TNKS: variants seen among roughly 807,000 people sequenced by gnomAD.
The protein encoded by TNKS is tankyrase.
TNKS carries 72 observed loss-of-function variants against 135.8 expected under a neutral mutation model. The observed-to-expected ratio is 0.53, with a 90% confidence interval of 0.44 to 0.64. TNKS has a LOEUF of 0.64. TNKS is among the 30% of genes least tolerant of loss of function. The pLI, the probability that TNKS is intolerant of heterozygous loss-of-function variation, is 0.00. For synonymous variants in TNKS, 849 were observed against 649.3 expected, an observed-to-expected ratio of 1.31 and a Z score of -4.68; for missense variants, 1,769 against 1,674.0, an observed-to-expected ratio of 1.06 and a Z score of -0.99.
intron 1 of TNKS, among the ~76,000 whole-genome samples, chr8:9,569,112 A>G (rs1278988766): frequency 4.6e-5 from 7 of 152,244 alleles, no homozygotes; most frequent in Non-Finnish European, 8.8e-5. Context: ...GCTTATAGCA[A>G]TAGTTGCAAG....
chr8:9,562,039 A>G (rs967026691), intron 1 of TNKS, among the ~76,000 whole-genome samples: 8 of 151,724 alleles, frequency 5.3e-5, no homozygotes, highest in Admixed American at 6.6e-5. Flanking sequence ...CTGGTCACGA[A>G]CTCCTGACCT....
chr8:9,588,572 G>C (rs866496037), intron 2 of TNKS, among the ~76,000 whole-genome samples: 1 of 152,160 alleles, frequency 6.6e-6, no homozygotes, highest in Non-Finnish European at 1.5e-5. Context: ...TGCCGCGCCC[G>C]GCCCCAAATT....
At chr8:9,752,511 T>G in intron 19 of TNKS, 33 bp from the exon 20 acceptor site, 4 of 1,524,498 alleles carry the variant, frequency 2.6e-6, no homozygotes, top group Non-Finnish European at 3.6e-6. Flanking sequence ...TAGAGAATTC[T>G]TTCTGAGAAT....
chr8:9,651,087 G>A (rs1042559782), intron 3 of TNKS, among the ~76,000 whole-genome samples: 6 of 152,018 alleles, frequency 3.9e-5, no homozygotes, highest in East Asian at 1.9e-4. Flanking sequence ...TTTCTTCACC[G>A]TATGTTTTTG....
chr8:9,566,033 C>G (rs1025411229), intron 1 of TNKS, among the ~76,000 whole-genome samples: 2 of 151,924 alleles, frequency 1.3e-5, no homozygotes, highest in Non-Finnish European at 1.5e-5. Flanking sequence ...TTCTGATGCC[C>G]TCATTCTGAT....
At chr8:9,733,974 T>A (rs76574098) in intron 15 of TNKS, among the ~76,000 whole-genome samples, 1 of 152,166 alleles carries the variant, frequency 6.6e-6, no homozygotes, top group Non-Finnish European at 1.5e-5. Context: ...CTAACTATAA[T>A]TTATGCTCAC....
chr8:9,567,149 G>A (rs888731424), intron 1 of TNKS, among the ~76,000 whole-genome samples: 1 of 152,206 alleles, frequency 6.6e-6, no homozygotes, highest in African/African-American at 2.4e-5. Flanking sequence ...GGAAAGTACA[G>A]TAAAAAGTAG....
chr8:9,742,100 C>G (rs1235084138), intron 17 of TNKS, among the ~76,000 whole-genome samples: 5 of 152,136 alleles, frequency 3.3e-5, no homozygotes, highest in Non-Finnish European at 7.3e-5. Context: ...TTTGATCAAC[C>G]TGGTTCATCT....
At chr8:9,711,268 A>G (rs1033432652) in intron 11 of TNKS, among the ~76,000 whole-genome samples, 1 of 152,184 alleles carries the variant, frequency 6.6e-6, no homozygotes, top group African/African-American at 2.4e-5. Flanking sequence ...CACTCTCACT[A>G]GGTCCACGTG....
At chr8:9,690,756 C>T (rs538572967) in intron 5 of TNKS, among the ~76,000 whole-genome samples, 2 of 152,144 alleles carry the variant, frequency 1.3e-5, no homozygotes, top group South Asian at 4.1e-4. Flanking sequence ...ATTACAGAAA[C>T]CTTGTTTTAT....
intron 2 of TNKS, among the ~76,000 whole-genome samples, chr8:9,602,053 G>T (rs1585217432): frequency 6.6e-6 from 1 of 152,164 alleles, no homozygotes; most frequent in African/African-American, 2.4e-5. Flanking sequence ...GCTATATCTG[G>T]GGACATGTTT....
chr8:9,771,683 GAGA>G (rs1807881781), intron 26 of TNKS, among the ~76,000 whole-genome samples: 1 of 121,040 alleles, frequency 8.3e-6, no homozygotes, highest in African/African-American at 3.5e-5. Context: ...GGGAGGGAGA[GAGA>G]GAGAGAGAGA....
At chr8:9,583,868 A>G (rs745584549) in intron 2 of TNKS, among the ~76,000 whole-genome samples, 3 of 151,580 alleles carry the variant, frequency 2.0e-5, no homozygotes, top group Non-Finnish European at 2.9e-5. Context: ...GGAGTCTGAT[A>G]TAAGATCTGG....
intron 20 of TNKS, 136 bp from the exon 21 acceptor site, chr8:9,761,380 A>C: frequency 2.4e-6 from 2 of 835,506 alleles, no homozygotes; most frequent in Admixed American, 6.7e-5. Flanking sequence ...AAAAAATTGT[A>C]AGCTCATGTT....
At chr8:9,657,723 C>T (rs1402000100) in intron 3 of TNKS, among the ~76,000 whole-genome samples, 5 of 115,722 alleles carry the variant, frequency 4.3e-5, no homozygotes, top group South Asian at 3.5e-4. Context: ...CCAGTAGGGG[C>T]GGCCGGGCAG....
intron 11 of TNKS, among the ~76,000 whole-genome samples, chr8:9,716,648 C>T (rs751043131): frequency 6.6e-6 from 1 of 152,090 alleles, no homozygotes; most frequent in Non-Finnish European, 1.5e-5. Flanking sequence ...CTGCCGTTCT[C>T]TATGTCTCTG....
intron 3 of TNKS, among the ~76,000 whole-genome samples, chr8:9,645,379 G>C (rs1375605559): frequency 6.6e-6 from 1 of 152,164 alleles, no homozygotes; most frequent in Non-Finnish European, 1.5e-5. Flanking sequence ...AGAGATGTTA[G>C]TAAACAGTTT....
intron 1 of TNKS, among the ~76,000 whole-genome samples, chr8:9,567,743 A>T (rs4354311): frequency 0.037 from 5,615 of 152,232 alleles, 248 homozygotes; most frequent in African/African-American, 0.11. Context: ...AAAAGACTAT[A>T]TAGAGTTGTT....
chr8:9,766,606 C>T (rs1369981080), intron 25 of TNKS, among the ~76,000 whole-genome samples, 181 bp downstream of exon 25: 4 of 151,978 alleles, frequency 2.6e-5, no homozygotes, highest in Admixed American at 2.6e-4. Flanking sequence ...CTGCCTCAGC[C>T]TCCTCAGTAG....
Sources: allele counts gnomAD v4.1 joint callset (sites outside exome capture counted in the v4.1 genomes callset), GRCh38; gene constraint gnomAD v4.1.1; transcripts MANE v1.5; gene names NCBI Gene and HGNC (gene_info 2026-07-23, HGNC 2026-07-21).